SGCZ: variants seen among roughly 807,000 people sequenced by gnomAD.
SGCZ encodes the protein zeta-sarcoglycan.
Under a neutral mutation model 41.3 loss-of-function variants are expected in SGCZ, and 40 were observed. That is an observed-to-expected ratio of 0.97 (90% CI 0.75 to 1.26). The LOEUF (loss-of-function observed/expected upper bound fraction) is 1.26, where lower values mean the gene tolerates loss of function less well. Among genes scored for constraint, SGCZ ranks in the 50% most tolerant of loss-of-function variants. The pLI is 0.00. For missense variants in SGCZ, 552 were observed against 369.8 expected (o/e 1.49, Z -4.04); for synonymous variants, 206 against 137.5 (o/e 1.50, Z -3.49).
chr8:15,156,215 T>C (rs1799327322), intron 1 of SGCZ, among the ~76,000 whole-genome samples: 1 of 152,160 alleles, frequency 6.6e-6, no homozygotes, highest in Admixed American at 6.5e-5. Flanking sequence ...TTAAAATGGC[T>C]AATGTCCAAA....
At chr8:14,986,846 T>G (rs955234119) in intron 1 of SGCZ, among the ~76,000 whole-genome samples, 5 of 152,002 alleles carry the variant, frequency 3.3e-5, no homozygotes, top group Non-Finnish European at 7.4e-5. Context: ...AAATTGCCAC[T>G]GTATTTTTGT....
rs150405054 is a variant in SGCZ, at chr8:14,206,872, A to G, written c.424+30720T>C. Reference sequence around the variant, plus strand: ...TCCCTAAGTTTGTTTTGTGTCTCAGATTCTTATACACATGAGAACACCTGG... The same window carrying G: ...TCCCTAAGTTTGTTTTGTGTCTCAGGTTCTTATACACATGAGAACACCTGG... On this transcript the variant is annotated intron_variant, in intron 4 of 7. Transcript: ENST00000382080. Among the ~76,000 whole-genome samples the G allele has an allele frequency of 6.5e-3, 989 of 152,206 alleles. 14 individuals carry two copies. Among genetic ancestry groups the G allele is most frequent in the African/African-American group, 0.022 (897 of 41,522 alleles).
intron 1 of SGCZ, among the ~76,000 whole-genome samples, chr8:14,914,888 G>A (rs1289905184): frequency 6.6e-6 from 1 of 152,110 alleles, no homozygotes; most frequent in Non-Finnish European, 1.5e-5. Flanking sequence ...TTTGCTGGGA[G>A]CCAGCCCAAT....
At chr8:14,559,184 C>G (rs1804131086) in intron 1 of SGCZ, among the ~76,000 whole-genome samples, 1 of 151,982 alleles carries the variant, frequency 6.6e-6, no homozygotes, top group Non-Finnish European at 1.5e-5. Flanking sequence ...AAGAGAAAGT[C>G]AAACTGTCAC....
intron 1 of SGCZ, among the ~76,000 whole-genome samples, chr8:15,194,571 C>T (rs1800658121): frequency 1.3e-5 from 2 of 151,644 alleles, no homozygotes; most frequent in African/African-American, 2.4e-5. Flanking sequence ...AATGGAATCA[C>T]GAGGGTTCTA....
chr8:14,826,566 C>T (rs897748702), intron 1 of SGCZ, among the ~76,000 whole-genome samples: 1 of 152,086 alleles, frequency 6.6e-6, no homozygotes, highest in Admixed American at 6.5e-5. Flanking sequence ...TAGAAGTGTT[C>T]CTATTTCTCC....
At chr8:14,431,470 GA>G (rs146649266) in intron 2 of SGCZ, among the ~76,000 whole-genome samples, 72,999 of 151,956 alleles carry the variant, frequency 0.48, 18,978 homozygotes, top group Non-Finnish European at 0.59. Flanking sequence ...TTAGTGCTGG[GA>G]AAATTGGCCA....
chr8:14,198,705 C>T (rs34600686), intron 4 of SGCZ, among the ~76,000 whole-genome samples: 36,250 of 152,058 alleles, frequency 0.24, 5,548 homozygotes, highest in Non-Finnish European at 0.34. Flanking sequence ...GGACCACAAA[C>T]GGAGGGACCA....
In SGCZ at chr8:14,934,051, T is replaced by C. The variant is rs188955163; in HGVS notation, c.39+303534A>G. On this transcript the variant is annotated intron_variant, in intron 1 of 7. Coordinates refer to ENST00000382080, the MANE Select transcript of SGCZ (RefSeq NM_139167.4). ...AGAATTTTCCCTAAAAAATAGCCAATAATTAATAAGAATTCATAGCCAATA... is the reference window on the plus strand; with the variant it reads ...AGAATTTTCCCTAAAAAATAGCCAACAATTAATAAGAATTCATAGCCAATA... Among the ~76,000 whole-genome samples, 2 of 152,084 alleles carry C rather than the reference T, an allele frequency of 1.3e-5. 1 individual carries two copies. The highest frequency in any genetic ancestry group is 1.3e-4 in the Admixed American group (2 of 15,288).
At chr8:14,135,263 T>C (rs1220291529) in intron 5 of SGCZ, among the ~76,000 whole-genome samples, 2 of 152,208 alleles carry the variant, frequency 1.3e-5, no homozygotes, top group Non-Finnish European at 2.9e-5. Flanking sequence ...AACAAAATAA[T>C]ATTTTGAATT....
chr8:14,324,055 T>A, intron 3 of SGCZ, 48 bp downstream of exon 3: 1 of 1,336,678 alleles, frequency 7.5e-7, no homozygotes. Context: ...AGCTAAAACA[T>A]AACCTCTAAA....
chr8:15,230,967 C>G (rs576758108), intron 1 of SGCZ, among the ~76,000 whole-genome samples: 30 of 152,280 alleles, frequency 2.0e-4, no homozygotes, highest in Admixed American at 1.2e-3. Context: ...GACGGCAGAG[C>G]CAGGGTTTGA....
intron 1 of SGCZ, among the ~76,000 whole-genome samples, chr8:14,881,313 A>G (rs1804579232): frequency 1.3e-5 from 2 of 152,122 alleles, no homozygotes; most frequent in South Asian, 2.1e-4. Context: ...TTTACTTTAA[A>G]GAGGCTTTAT....
rs1180766031 is a variant in SGCZ, at chr8:14,373,408, C to G, written c.235-49204G>C. ...AAGAGAGATATGGGCTAGTGATAAT[C>G]ATTTGTGACTACTCACCATAAATGG... On this transcript the variant is annotated intron_variant, in intron 2 of 7. Coordinates refer to ENST00000382080, the MANE Select transcript of SGCZ (RefSeq NM_139167.4). Among the ~76,000 whole-genome samples, 2 of 152,100 alleles carry G rather than the reference C, an allele frequency of 1.3e-5. 1 individual carries two copies. The highest frequency in any genetic ancestry group is 4.1e-4 in the South Asian group (2 of 4,836).
chr8:14,573,386 G>C (rs562579639), intron 1 of SGCZ, among the ~76,000 whole-genome samples: 2 of 151,668 alleles, frequency 1.3e-5, no homozygotes, highest in East Asian at 3.9e-4. Flanking sequence ...ATTTTTAGTA[G>C]AGACGGGGTT....
At chr8:14,805,704 T>C (rs914318868) in intron 1 of SGCZ, among the ~76,000 whole-genome samples, 9 of 151,894 alleles carry the variant, frequency 5.9e-5, no homozygotes, top group African/African-American at 2.2e-4. Flanking sequence ...ACCCAGGAAT[T>C]GAACTCAGCT....
intron 1 of SGCZ, among the ~76,000 whole-genome samples, chr8:14,614,627 A>G (rs1180486587): frequency 6.6e-6 from 1 of 152,142 alleles, no homozygotes; most frequent in East Asian, 1.9e-4. Flanking sequence ...ATTCTACTTC[A>G]TTTTTGAGTT....
At chr8:14,174,270 T>C (rs1440644173) in intron 4 of SGCZ, among the ~76,000 whole-genome samples, 2 of 152,124 alleles carry the variant, frequency 1.3e-5, no homozygotes, top group African/African-American at 2.4e-5. Flanking sequence ...TGCATAACGA[T>C]AGAAAATACA....
intron 3 of SGCZ, among the ~76,000 whole-genome samples, chr8:14,312,619 G>C (rs1362192090): frequency 6.6e-6 from 1 of 151,908 alleles, no homozygotes; most frequent in Non-Finnish European, 1.5e-5. Flanking sequence ...AACATAGCTA[G>C]ACTCTGTCTC....
Sources: allele counts gnomAD v4.1 joint callset (sites outside exome capture counted in the v4.1 genomes callset), GRCh38; gene constraint gnomAD v4.1.1; transcripts MANE v1.5; gene names NCBI Gene and HGNC (gene_info 2026-07-23, HGNC 2026-07-21).